PLCB1: variants seen among roughly 807,000 people sequenced by gnomAD.
PLCB1 encodes 1-phosphatidylinositol 4,5-bisphosphate phosphodiesterase beta-1.
Under a neutral mutation model 161.8 loss-of-function variants are expected in PLCB1, and 46 were observed. The observed-to-expected ratio is 0.28, with a 90% CI of 0.22 to 0.36. PLCB1 has a LOEUF of 0.36. Ranked by LOEUF, PLCB1 falls within the 10% of genes least tolerant of loss-of-function variation. The pLI is 1.00. For synonymous variants in PLCB1, 517 were observed against 503.7 expected, an observed-to-expected ratio of 1.03 and a Z score of -0.35; for missense variants, 1,016 against 1,472.5, an observed-to-expected ratio of 0.69 and a Z score of 5.07.
intron 2 of PLCB1, among the ~76,000 whole-genome samples, chr20:8,188,733 A>G (rs6118093): frequency 0.013 from 2,046 of 152,270 alleles, 56 homozygotes; most frequent in African/African-American, 0.047. Context: ...TTTCACTTTC[A>G]AAACTATTCT....
intron 3 of PLCB1, among the ~76,000 whole-genome samples, chr20:8,538,577 G>A (rs2423368): frequency 0.63 from 95,690 of 151,840 alleles, 30,857 homozygotes; most frequent in African/African-American, 0.76. Flanking sequence ...TTGAGCTCCT[G>A]GGCTTAAGTG....
At chr20:8,285,233 TTA>T (rs1208827425) in intron 2 of PLCB1, among the ~76,000 whole-genome samples, 1 of 148,688 alleles carries the variant, frequency 6.7e-6, no homozygotes, top group Non-Finnish European at 1.5e-5. Context: ...CGTTTTGCTT[TTA>T]TATATATATA....
chr20:8,741,493 C>T lies in PLCB1; in HGVS notation c.2443C>T (p.Arg815Ter), dbSNP rs1262715289. 3 of 1,613,144 alleles carry T rather than the reference C, an allele frequency of 1.9e-6. No individual in the cohort carries two copies. Among genetic ancestry groups the T allele is most frequent in the East Asian group, 2.2e-5 (1 of 44,852 alleles). Residue 815 changes from arginine (R) to a stop codon, truncating the protein, a stop_gained, in exon 23 of 32, where the codon CGA becomes TGA. Transcript: ENST00000338037. LOFTEE classifies it high-confidence loss of function. ...CATCGAAGCTTTATCAAACCCAATCCGATATGTGAACCTGATGGAACAGAG... is the reference window on the plus strand; with the variant it reads ...CATCGAAGCTTTATCAAACCCAATCTGATATGTGAACCTGATGGAACAGAG... ...DVIEALSNPI[R>*]YVNLMEQRAK...
chr20:8,149,038 T>C (rs759964832), intron 1 of PLCB1, among the ~76,000 whole-genome samples: 9 of 152,226 alleles, frequency 5.9e-5, no homozygotes, highest in Non-Finnish European at 1.2e-4. Flanking sequence ...GTAATACCAC[T>C]GAAAGGCATA....
intron 9 of PLCB1, among the ~76,000 whole-genome samples, chr20:8,683,946 C>G (rs961357925): frequency 6.6e-6 from 1 of 150,796 alleles, no homozygotes; most frequent in Admixed American, 6.6e-5. Context: ...TGTAGTGGTG[C>G]GATCTCAGCT....
chr20:8,788,691 G>A lies in PLCB1; in HGVS notation c.3247G>A (p.Ala1083Thr). The change falls in exon 29 of 32, where the codon GCT becomes ACT. Residue 1083 changes from alanine to threonine, a missense_variant. Physicochemically the swap from Ala to Thr is moderately conservative, Grantham distance 58. This residue lies in a region of PLCB1 where 398 missense variants were observed against 445.4 expected (regional missense o/e 0.89). Transcript: ENST00000338037. The part of the protein sequence containing the change: ...DKKRQEKITE[A>T]KSKDKSQMEE... ...AAAGAGGCAGGAGAAGATAACAGAA[G>A]CTAAATCCAAAGACAAAAGTCAGAT... is the stretch of plus-strand genomic sequence containing the variant. 6.2e-7 allele frequency: 1 copy of A among 1,611,148 alleles called. No homozygotes were observed. Among genetic ancestry groups the A allele is most frequent in the Non-Finnish European group, 8.5e-7 (1 of 1,178,580 alleles).
chr20:8,683,971 C>G (rs1354940463), intron 9 of PLCB1, among the ~76,000 whole-genome samples: 3 of 151,628 alleles, frequency 2.0e-5, no homozygotes, highest in Non-Finnish European at 4.4e-5. Flanking sequence ...GCAAACTCCA[C>G]CTCCTGGGTT....
chr20:8,380,286 G>A (rs1215394620), intron 3 of PLCB1, among the ~76,000 whole-genome samples: 1 of 150,698 alleles, frequency 6.6e-6, no homozygotes, highest in Non-Finnish European at 1.5e-5. Flanking sequence ...GGTGTGTGGT[G>A]TTCTATTCCA....
chr20:8,753,353 A>G (rs904155287), intron 23 of PLCB1, among the ~76,000 whole-genome samples: 1 of 152,120 alleles, frequency 6.6e-6, no homozygotes, highest in African/African-American at 2.4e-5. Context: ...ATTATCTTCC[A>G]TGAAACTGGT....
At chr20:8,269,534 A>G (rs1460864644) in intron 2 of PLCB1, among the ~76,000 whole-genome samples, 1 of 152,200 alleles carries the variant, frequency 6.6e-6, no homozygotes, top group African/African-American at 2.4e-5. Flanking sequence ...TCAGAGCTTT[A>G]GAAACCCGAT....
intron 10 of PLCB1, among the ~76,000 whole-genome samples, chr20:8,692,978 A>AT (rs1990513683): frequency 6.6e-6 from 1 of 152,118 alleles, no homozygotes; most frequent in Non-Finnish European, 1.5e-5. Context: ...AAGAATCAAG[A>AT]TTTACCCCAA....
intron 2 of PLCB1, among the ~76,000 whole-genome samples, chr20:8,257,723 A>G (rs1402880999): frequency 6.6e-6 from 1 of 152,214 alleles, no homozygotes; most frequent in Non-Finnish European, 1.5e-5. Flanking sequence ...TGTCAACACT[A>G]CAGTTGGTTT....
chr20:8,835,516 CTT>C (rs1217647941), intron 31 of PLCB1, among the ~76,000 whole-genome samples: 1 of 151,938 alleles, frequency 6.6e-6, no homozygotes, highest in African/African-American at 2.4e-5. Context: ...TCTATTATGA[CTT>C]ATATATAGCA....
chr20:8,843,659 GAAT>G (rs1986588811), intron 31 of PLCB1, among the ~76,000 whole-genome samples: 1 of 151,898 alleles, frequency 6.6e-6, no homozygotes, highest in African/African-American at 2.4e-5. Context: ...TAATGAGAAA[GAAT>G]AAAGATGAAA....
intron 2 of PLCB1, among the ~76,000 whole-genome samples, chr20:8,259,045 G>T (rs1185929702): frequency 6.6e-6 from 1 of 152,098 alleles, no homozygotes; most frequent in Non-Finnish European, 1.5e-5. Context: ...AGCCTTTTGA[G>T]TCTGGCTCTT....
At chr20:8,515,707 A>G (rs568829264) in intron 3 of PLCB1, among the ~76,000 whole-genome samples, 1 of 152,330 alleles carries the variant, frequency 6.6e-6, no homozygotes, top group South Asian at 2.1e-4. Context: ...AGAAATGTGC[A>G]CATTTAACAT....
chr20:8,823,982 G>A (rs1985562974), intron 31 of PLCB1, among the ~76,000 whole-genome samples: 1 of 151,806 alleles, frequency 6.6e-6, no homozygotes, highest in African/African-American at 2.4e-5. Context: ...CACAGGGTTG[G>A]CAATGACACC....
At chr20:8,801,935 TA>T in intron 31 of PLCB1, 2 of 717,640 alleles carry the variant, frequency 2.8e-6, no homozygotes, top group Admixed American at 2.2e-5. Context: ...ACAGAGGAGT[TA>T]AAACTGTACT....
At chr20:8,475,935 C>T (rs571877395) in intron 3 of PLCB1, among the ~76,000 whole-genome samples, 1 of 152,324 alleles carries the variant, frequency 6.6e-6, no homozygotes, top group African/African-American at 2.4e-5. Context: ...CACTGTCATA[C>T]ACCACTGCTT....
Sources: allele counts gnomAD v4.1 joint callset (sites outside exome capture counted in the v4.1 genomes callset), GRCh38; gene constraint gnomAD v4.1.1; regional missense constraint gnomAD v4.1.1; transcripts MANE v1.5; gene names NCBI Gene and HGNC (gene_info 2026-07-23, HGNC 2026-07-21).